Variants in NADK observed in about 807,000 individuals in gnomAD.
NADK encodes the protein poly(P)/ATP NAD kinase.
Under a neutral mutation model 49.8 loss-of-function variants are expected in NADK, and 22 were observed. The observed-to-expected ratio is 0.44, with a 90% CI of 0.32 to 0.63. The LOEUF (loss-of-function observed/expected upper bound fraction) is 0.63, where lower values mean the gene tolerates loss of function less well. Ranked by LOEUF, NADK falls within the 30% of genes least tolerant of loss-of-function variation. The probability of loss-of-function intolerance (pLI) is 0.06; values close to 1 mark genes in which losing one functional copy is unlikely to be tolerated. For synonymous variants in NADK, 268 were observed against 253.7 expected, an observed-to-expected ratio of 1.06 and a Z score of -0.54; for missense variants, 438 against 609.4, an observed-to-expected ratio of 0.72 and a Z score of 2.96.
chr1:1,772,000 G>T (rs1048691700), intron 1 of NADK, among the ~76,000 whole-genome samples: 7 of 151,150 alleles, frequency 4.6e-5, no homozygotes, highest in Non-Finnish European at 1.0e-4. Context: ...GTGGAGATGG[G>T]GTCTCCCTAT....
chr1:1,768,115 G>A (rs112073652), intron 1 of NADK, among the ~76,000 whole-genome samples: 2,369 of 150,756 alleles, frequency 0.016, 60 homozygotes, highest in African/African-American at 0.054. Flanking sequence ...AGGTTGCAGT[G>A]AGCCGAGATT....
At chr1:1,757,454 G>T (rs994109362) in intron 3 of NADK, 144 bp from the exon 4 acceptor site, 1 of 711,982 alleles carries the variant, frequency 1.4e-6, no homozygotes, top group Admixed American at 2.6e-5. Context: ...CGGGCTCACA[G>T]GGCCTAGGGT....
At chr1:1,764,147 G>A (rs979786610) in intron 2 of NADK, among the ~76,000 whole-genome samples, 4 of 152,202 alleles carry the variant, frequency 2.6e-5, no homozygotes, top group African/African-American at 4.8e-5. Flanking sequence ...CTGCCACCAC[G>A]TCAGAGGCGC....
At chr1:1,774,493 G>T (rs1646149577) in intron 1 of NADK, among the ~76,000 whole-genome samples, 1 of 152,082 alleles carries the variant, frequency 6.6e-6, no homozygotes, top group African/African-American at 2.4e-5. Flanking sequence ...AACCTCAGAT[G>T]ATCCGCCCGC....
At chr1:1,768,458 G>A (rs144867010) in intron 1 of NADK, among the ~76,000 whole-genome samples, 4 of 152,212 alleles carry the variant, frequency 2.6e-5, no homozygotes, top group African/African-American at 9.6e-5. Flanking sequence ...TGGAGGCTCC[G>A]GCAAGAGGAT....
Position 1,765,426 on chromosome 1 carries a change from C to A in NADK, c.-20G>T. Reference sequence around the variant, plus strand: ...TTCCATTGTCAGGAAATGAGAACTTCGGTCAGAAAAACACTGATGCCTTAA... The same window carrying A: ...TTCCATTGTCAGGAAATGAGAACTTAGGTCAGAAAAACACTGATGCCTTAA... On this transcript the variant is annotated 5_prime_UTR_variant, in exon 2 of 12. Transcript: ENST00000341426. 2 of 1,537,724 alleles carry A rather than the reference C, an allele frequency of 1.3e-6. No individual in the cohort carries two copies. Among genetic ancestry groups the A allele is most frequent in the Non-Finnish European group, 1.8e-6 (2 of 1,135,428 alleles).
Position 1,752,825 on chromosome 1 carries a change from C to G in NADK, c.*79G>C. 1.3e-6 allele frequency: 2 copies of G among 1,509,864 alleles called. No individual in the cohort carries two copies. Among genetic ancestry groups the G allele is most frequent in the Non-Finnish European group, 1.8e-6 (2 of 1,112,254 alleles). 93.5% of individuals were successfully genotyped at this position (1,509,864 alleles called of 1,614,324 possible). ...GCCGTGCCACTGAGACAGGCGGTCACAGACACACGCAGATTGGTCTGTCCC... is the reference window on the plus strand; with the variant it reads ...GCCGTGCCACTGAGACAGGCGGTCAGAGACACACGCAGATTGGTCTGTCCC... On this transcript the variant is annotated 3_prime_UTR_variant, in exon 12 of 12. Coordinates refer to ENST00000341426, the MANE Select transcript of NADK (RefSeq NM_023018.5).
In NADK at chr1:1,756,343, T is replaced by C. The variant is rs563917740; in HGVS notation, c.500A>G (p.Asp167Gly). 5.6e-6 allele frequency: 9 copies of C among 1,613,956 alleles called. No homozygotes were observed. In the South Asian group the frequency reaches 9.9e-5, roughly 18 times the overall value. The part of the protein sequence containing the change: ...VKKKFCTFRE[D>G]YDDISNQIDF... ...TATCTGATTGGAAATGTCATCATAATCTAGGAAACACAAAGCAAAACCAAG... is the reference window on the plus strand; with the variant it reads ...TATCTGATTGGAAATGTCATCATAACCTAGGAAACACAAAGCAAAACCAAG... The change falls in exon 6 of 12, where the codon GAT becomes GGT. Residue 167 changes from aspartate to glycine, a missense_variant and splice_region_variant. Physicochemically the swap from Asp to Gly is moderately conservative, Grantham distance 94. Transcript: ENST00000341426.
intron 1 of NADK, among the ~76,000 whole-genome samples, chr1:1,770,387 A>G (rs866205631): frequency 3.9e-5 from 6 of 152,342 alleles, no homozygotes; most frequent in Non-Finnish European, 7.3e-5. Flanking sequence ...AAAAGGAACA[A>G]GTGAAGTTGT....
chr1:1,758,812 C>T (rs1645618080), intron 3 of NADK, among the ~76,000 whole-genome samples: 1 of 152,222 alleles, frequency 6.6e-6, no homozygotes, highest in Admixed American at 6.5e-5. Context: ...GGACCAAGCC[C>T]TCTGTTCCCG....
intron 3 of NADK, chr1:1,758,272 C>T: frequency 6.9e-7 from 1 of 1,439,084 alleles, no homozygotes; most frequent in Non-Finnish European, 9.4e-7. Context: ...CCCACTAACA[C>T]CCCCAGAACC....
At chr1:1,755,239 T>C (rs1248284844) in intron 7 of NADK, 135 bp downstream of exon 7, 2 of 719,628 alleles carry the variant, frequency 2.8e-6, no homozygotes, top group African/African-American at 1.8e-5. Context: ...CCACTCAAGA[T>C]TTAGAAATCC....
chr1:1,759,703 C>A (rs1645653676), intron 3 of NADK: 24 of 1,545,800 alleles, frequency 1.6e-5, no homozygotes, highest in South Asian at 2.4e-5. Flanking sequence ...GAGAAAGCTG[C>A]ATGCCCCTCA....
Position 1,754,480 on chromosome 1 carries a change from C to T in NADK, c.843+64G>A. The T allele has an allele frequency of 5.2e-6, 8 of 1,537,814 alleles. No homozygotes were observed. The highest frequency in any genetic ancestry group is 1.1e-5 in the South Asian group (1 of 87,556). On this transcript the variant is annotated intron_variant, in intron 8 of 11. Transcript: ENST00000341426. The surrounding 1 kb of genome is among the most constrained non-coding windows in gnomAD (Gnocchi z 4.3). ...CCAGCCGGGCTCTCCGGAAGGTCCTCATCCCTGGGACCGAAGTCGCCCCAC... is the reference window on the plus strand; with the variant it reads ...CCAGCCGGGCTCTCCGGAAGGTCCTTATCCCTGGGACCGAAGTCGCCCCAC...
intron 3 of NADK, 105 bp from the exon 4 acceptor site, chr1:1,757,415 A>G (rs1645565901): frequency 9.3e-7 from 1 of 1,070,086 alleles, no homozygotes. Flanking sequence ...AGGTGTTTTC[A>G]CCTCCCAGGG....
At position 1,752,908 on chromosome 1, in the gene NADK, CCCTCCTCCTCCTCCT is replaced by C; in HGVS notation, c.1322_1336del (p.Glu441_Glu445del). 5.9e-6 allele frequency: 9 copies of C among 1,526,132 alleles called. No homozygotes were observed. In the Admixed American group the frequency reaches 7.7e-5, roughly 13 times the overall value. The allele number at this position is 1,526,132 out of a possible 1,614,324, so 94.5% of individuals were successfully genotyped here. A position where few individuals can be genotyped will look rare whatever the true frequency, so the allele number is the denominator to read the frequency against. On this transcript the variant is annotated inframe_deletion, in exon 12 of 12. Coordinates refer to ENST00000341426, the MANE Select transcript of NADK (RefSeq NM_023018.5). ...GGGCCTGGATAGGGGCTTGACCTAG[CCCTCCTCCTCCTCCT>C]CCTCCTCCTCCTCGAAGTGGGCTTG...
At chr1:1,764,670 G>A (rs539477107) in intron 2 of NADK, among the ~76,000 whole-genome samples, 5 of 152,354 alleles carry the variant, frequency 3.3e-5, no homozygotes, top group African/African-American at 1.2e-4. Context: ...GGGAGGCTGA[G>A]ACGGGCAGAT....
intron 1 of NADK, among the ~76,000 whole-genome samples, chr1:1,777,896 G>A (rs540218563): frequency 6.6e-6 from 1 of 152,310 alleles, no homozygotes; most frequent in South Asian, 2.1e-4. Flanking sequence ...TTCCCACTAG[G>A]TTTGGGCCCC....
Position 1,752,932 on chromosome 1 carries a change from T to TCCG in NADK, c.1312_1313insCGG (p.Glu437_Glu438insAla), listed in dbSNP as rs2100263133. On this transcript the variant is annotated inframe_insertion, in exon 12 of 12. Transcript: ENST00000341426. ...GCCCTCCTCCTCCTCCTCCTCCTCC[T>TCCG]CCTCGAAGTGGGCTTGCTTCTTCCG... 6.2e-7 allele frequency: 1 copy of TCCG among 1,602,852 alleles called. No homozygotes were observed.
Sources: gnomAD v4.1 joint callset for allele counts (sites outside exome capture counted in the v4.1 genomes callset) on GRCh38, gnomAD v4.1.1 for gene constraint, Gnocchi (gnomAD v3.1) non-coding constraint, MANE v1.5 for transcripts, NCBI Gene and HGNC (gene_info 2026-07-23, HGNC 2026-07-21) for gene names.